The following AMER3 variants were observed in gnomAD, a reference collection of about 807,000 sequenced individuals.
AMER3 encodes APC membrane recruitment protein 3.
For missense variants in AMER3, 1,201 were observed against 1,139.4 expected, an observed-to-expected ratio of 1.05 and a Z score of -0.78; for synonymous variants, 541 against 485.5, an observed-to-expected ratio of 1.11 and a Z score of -1.50.
rs1365561486 is a variant in AMER3, at chr2:130,763,042, C to T, written c.970C>T (p.Leu324Phe). 2 of 1,613,384 alleles carry T rather than the reference C, an allele frequency of 1.2e-6. No homozygotes were observed. The highest frequency in any genetic ancestry group is 1.7e-5 in the Admixed American group (1 of 60,018). Residue 324 changes from leucine to phenylalanine, a missense_variant, in exon 2 of 2, where the codon CTC becomes TTC. Leu to Phe is a conservative substitution (Grantham distance 22). Transcript: ENST00000321420. ...CTCAGTGCGTCAGCAGCAGCGTGCCCTCCTAGGCCCGTGGCTTTCAGGCCC... is the reference window on the plus strand; with the variant it reads ...CTCAGTGCGTCAGCAGCAGCGTGCCTTCCTAGGCCCGTGGCTTTCAGGCCC... Reference protein sequence around the residue: ...NRSVRQQQRALLGPWLSGPQG... With the variant: ...NRSVRQQQRAFLGPWLSGPQG...
At position 130,763,050 on chromosome 2, in the gene AMER3, C is replaced by T; in HGVS notation, c.978C>T (p.Gly326=). The change falls in exon 2 of 2, where the codon GGC becomes GGT. Residue 326 remains glycine (G), a synonymous_variant. Coordinates refer to ENST00000321420, the MANE Select transcript of AMER3 (RefSeq NM_152698.3). ...SVRQQQRALL[G]PWLSGPQGTD... Reference sequence around the variant, plus strand: ...GTCAGCAGCAGCGTGCCCTCCTAGGCCCGTGGCTTTCAGGCCCCCAGGGGA... The same window carrying T: ...GTCAGCAGCAGCGTGCCCTCCTAGGTCCGTGGCTTTCAGGCCCCCAGGGGA... 6.2e-7 allele frequency: 1 copy of T among 1,613,126 alleles called. No homozygotes were observed. Among genetic ancestry groups the T allele is most frequent in the Non-Finnish European group, 8.5e-7 (1 of 1,179,904 alleles).
In AMER3 at chr2:130,763,734, A is replaced by T. The variant is rs750833774; in HGVS notation, c.1662A>T (p.Ala554=). The T allele has an allele frequency of 6.3e-7, 1 of 1,580,168 alleles. No individual in the cohort carries two copies. The highest frequency in any genetic ancestry group is 8.6e-7 in the Non-Finnish European group (1 of 1,164,954). Residue 554 remains alanine, a synonymous_variant, in exon 2 of 2, where the codon GCA becomes GCT. Transcript: ENST00000321420. The part of the protein sequence containing the change: ...LGGREGLASD[A]GGATVCSAPS... ...GCAGGGAGGGCCTGGCCTCAGATGCAGGGGGGGCGACAGTTTGCTCAGCAC... is the reference window on the plus strand; with the variant it reads ...GCAGGGAGGGCCTGGCCTCAGATGCTGGGGGGGCGACAGTTTGCTCAGCAC...
In AMER3 at chr2:130,764,491, G is replaced by T; in HGVS notation, c.2419G>T (p.Gly807Cys). 6.3e-7 allele frequency: 1 copy of T among 1,599,750 alleles called. No individual in the cohort carries two copies. The highest frequency in any genetic ancestry group is 8.5e-7 in the Non-Finnish European group (1 of 1,173,816). The change falls in exon 2 of 2, where the codon GGC (glycine) becomes TGC (cysteine). Residue 807 changes from glycine (G) to cysteine (C), a missense_variant. By Grantham distance (159) the Gly-to-Cys change is radical. Transcript: ENST00000321420. Reference sequence around the variant, plus strand: ...CCCTGCTGCCCGGTGGAGTTCCCAGGGCCACCATCCAGAAAGCCTGGGCCT... The same window carrying T: ...CCCTGCTGCCCGGTGGAGTTCCCAGTGCCACCATCCAGAAAGCCTGGGCCT... Reference protein sequence around the residue: ...SAPAARWSSQGHHPESLGLTL... With the variant: ...SAPAARWSSQCHHPESLGLTL...
rs779129704 is a variant in AMER3, at chr2:130,764,588, GTGAGGGCCTCCTC to G, written c.2519_2531del (p.Glu840ValfsTer39). 6.2e-7 allele frequency: 1 copy of G among 1,605,464 alleles called. No homozygotes were observed. Among genetic ancestry groups the G allele is most frequent in the East Asian group, 2.2e-5 (1 of 44,744 alleles). ...GAATGCCGCTGCAGCCTCCTGGCCCGTGAGGGCCTCCTCTGTGGCCAGCCAGAAGTGGGGGCCT... is the reference window on the plus strand; with the variant it reads ...GAATGCCGCTGCAGCCTCCTGGCCCGTGTGGCCAGCCAGAAGTGGGGGCCT... On this transcript the variant is annotated frameshift_variant, in exon 2 of 2. Coordinates refer to ENST00000321420, the MANE Select transcript of AMER3 (RefSeq NM_152698.3). LOFTEE classifies it low-confidence loss of function (END_TRUNC).
In AMER3 at chr2:130,762,771, C is replaced by T. The variant is rs1315135797; in HGVS notation, c.699C>T (p.Ala233=). The T allele has an allele frequency of 6.2e-7, 1 of 1,611,294 alleles. No homozygotes were observed. The highest frequency in any genetic ancestry group is 8.5e-7 in the Non-Finnish European group (1 of 1,178,422). The part of the protein sequence containing the change: ...LADASFGLCR[A]LCEDVASLQS... ...ATGCATCCTTTGGTCTCTGCAGGGC[C>T]CTGTGTGAGGACGTGGCCTCACTCC... Residue 233 remains alanine (A), a synonymous_variant, in exon 2 of 2, where the codon GCC becomes GCT. Coordinates refer to ENST00000321420, the MANE Select transcript of AMER3 (RefSeq NM_152698.3).
At position 130,764,148 on chromosome 2, in the gene AMER3, G is replaced by A. The variant is rs750538494; in HGVS notation, c.2076G>A (p.Pro692=). 10 of 1,610,046 alleles carry A rather than the reference G, an allele frequency of 6.2e-6. No homozygotes were observed. The African/African-American group carries it at 6.7e-5, about 11-fold the overall frequency. ...ALKISSNEQP[P]AAWPPRQDMG... is the part of the protein sequence containing the mutation. ...AGATCAGCTCAAACGAACAGCCCCC[G>A]GCCGCATGGCCTCCAAGGCAAGACA... The change falls in exon 2 of 2, where the codon CCG becomes CCA. Residue 692 remains proline (P), a synonymous_variant. Coordinates refer to ENST00000321420, the MANE Select transcript of AMER3 (RefSeq NM_152698.3).
intron 1 of AMER3, among the ~76,000 whole-genome samples, chr2:130,757,341 A>C (rs754681503): frequency 1.3e-5 from 2 of 152,176 alleles, no homozygotes; most frequent in African/African-American, 4.8e-5. Flanking sequence ...AGTCTCTGCC[A>C]CCACCTTCTC....
At position 130,763,730 on chromosome 2, in the gene AMER3, A is replaced by T; in HGVS notation, c.1658A>T (p.Asp553Val). 1 of 1,579,064 alleles carries T rather than the reference A, an allele frequency of 6.3e-7. No homozygotes were observed. The highest frequency in any genetic ancestry group is 8.6e-7 in the Non-Finnish European group (1 of 1,164,582). Reference protein sequence around the residue: ...KLGGREGLASDAGGATVCSAP... With the variant: ...KLGGREGLASVAGGATVCSAP... ...GGGGGCAGGGAGGGCCTGGCCTCAG[A>T]TGCAGGGGGGGCGACAGTTTGCTCA... The change falls in exon 2 of 2, where the codon GAT (aspartate) becomes GTT (valine). Residue 553 changes from aspartate to valine, a missense_variant. By Grantham distance (152) the Asp-to-Val change is radical. Transcript: ENST00000321420.
chr2:130,759,110 A>G (rs559767517), intron 1 of AMER3, among the ~76,000 whole-genome samples: 2 of 152,336 alleles, frequency 1.3e-5, no homozygotes, highest in South Asian at 2.1e-4. Context: ...AACACAGACT[A>G]GAGTTCATGG....
At chr2:130,757,446 G>T (rs1324215468) in intron 1 of AMER3, among the ~76,000 whole-genome samples, 2 of 152,108 alleles carry the variant, frequency 1.3e-5, no homozygotes, top group Non-Finnish European at 2.9e-5. Flanking sequence ...CCCGTCACTT[G>T]CCCTGGAAGG....
In AMER3 at chr2:130,763,706, G is replaced by A. The variant is rs754388093; in HGVS notation, c.1634G>A (p.Gly545Glu). ...GAPRAPTEKLGGREGLASDAG... is the reference protein window; with the variant it reads ...GAPRAPTEKLEGREGLASDAG... ...CCTAGGGCACCCACAGAGAAGCTGG[G>A]GGGCAGGGAGGGCCTGGCCTCAGAT... is the stretch of plus-strand genomic sequence containing the variant. Residue 545 changes from glycine (G) to glutamate (E), a missense_variant, in exon 2 of 2, where the codon GGG (glycine) becomes GAG (glutamate). By Grantham distance (98) the Gly-to-Glu change is moderately conservative. Coordinates refer to ENST00000321420, the MANE Select transcript of AMER3 (RefSeq NM_152698.3). 3.2e-6 allele frequency: 5 copies of A among 1,555,664 alleles called. No homozygotes were observed. In the African/African-American group the frequency reaches 4.1e-5, roughly 13 times the overall value.
At position 130,766,966 on chromosome 2, in the gene AMER3, T is replaced by A. The variant is rs995499808; in HGVS notation, c.*2308T>A. The A allele has an allele frequency of 6.0e-6, 1 of 167,092 alleles. No individual in the cohort carries two copies. Among genetic ancestry groups the A allele is most frequent in the Non-Finnish European group, 1.5e-5 (1 of 68,134 alleles). 10.4% of individuals were successfully genotyped at this position (167,092 alleles called of 1,614,324 possible). On this transcript the variant is annotated 3_prime_UTR_variant, in exon 2 of 2. Coordinates refer to ENST00000321420, the MANE Select transcript of AMER3 (RefSeq NM_152698.3). ...CAAATGCTTTTTGGGAAGAAGCCAA[T>A]GGATTCTCCTCGGCTCTGCCTGCAA...
At chr2:130,760,064 G>C (rs1678731651) in intron 1 of AMER3, among the ~76,000 whole-genome samples, 1 of 152,220 alleles carries the variant, frequency 6.6e-6, no homozygotes, top group South Asian at 2.1e-4. Flanking sequence ...GGGTGGGAAA[G>C]ACTTAGGCAT....
At position 130,764,747 on chromosome 2, in the gene AMER3, A is replaced by C; in HGVS notation, c.*89A>C. ...CTCAAATCTCTATCTTTTGTCCCTG[A>C]TGTGGGGACTGTGTTGGGGGTGGGG... On this transcript the variant is annotated 3_prime_UTR_variant, in exon 2 of 2. Transcript: ENST00000321420. 5.8e-6 allele frequency: 5 copies of C among 863,802 alleles called. No individual in the cohort carries two copies. The highest frequency in any genetic ancestry group is 3.3e-5 in the East Asian group (1 of 30,086). The allele number at this position is 863,802 out of a possible 1,614,324, so 53.5% of individuals were successfully genotyped here. A position where few individuals can be genotyped will look rare whatever the true frequency, so the allele number is the denominator to read the frequency against.
intron 1 of AMER3, chr2:130,756,518 C>G (rs1259008836): frequency 6.6e-6 from 1 of 152,482 alleles, no homozygotes; most frequent in Non-Finnish European, 1.5e-5. Context: ...GGGTCGACAC[C>G]CTCCACCCAG....
rs897945369 is a variant in AMER3 at position 130,765,510 on chromosome 2, C to T, written c.*852C>T. ...GAGCGGAGATGGCAAGAACTTTCATCTCTCACAATTGCAGATGTACAAAAA... is the reference window on the plus strand; with the variant it reads ...GAGCGGAGATGGCAAGAACTTTCATTTCTCACAATTGCAGATGTACAAAAA... On this transcript the variant is annotated 3_prime_UTR_variant, in exon 2 of 2. Transcript: ENST00000321420. 1.8e-5 allele frequency: 3 copies of T among 167,014 alleles called. No individual in the cohort carries two copies. Among genetic ancestry groups the T allele is most frequent in the African/African-American group, 7.2e-5 (3 of 41,464 alleles). 10.3% of individuals were successfully genotyped at this position (167,014 alleles called of 1,614,324 possible).
At chr2:130,760,403 T>C (rs1678742104) in intron 1 of AMER3, among the ~76,000 whole-genome samples, 1 of 152,212 alleles carries the variant, frequency 6.6e-6, no homozygotes, top group Non-Finnish European at 1.5e-5. Context: ...TGGGTCCTCA[T>C]GAAGAAGCAT....
intron 1 of AMER3, among the ~76,000 whole-genome samples, chr2:130,757,176 C>T (rs1678635545): frequency 6.6e-6 from 1 of 152,128 alleles, no homozygotes; most frequent in African/African-American, 2.4e-5. Flanking sequence ...CACGGAATTA[C>T]CTTCTCAAAG....
rs1308503281 is a variant in AMER3, at chr2:130,764,267, A to G, written c.2195A>G (p.His732Arg). The change falls in exon 2 of 2, where the codon CAT becomes CGT. Residue 732 changes from histidine to arginine, a missense_variant. His to Arg is a conservative substitution (Grantham distance 29). Coordinates refer to ENST00000321420, the MANE Select transcript of AMER3 (RefSeq NM_152698.3). The part of the protein sequence containing the change: ...SSSSPSMTTI[H>R]GLPYSASTQD... ...AGCTCCCCCAGCATGACCACCATCC[A>G]TGGCCTACCCTACTCAGCCAGCACA... 2.5e-6 allele frequency: 4 copies of G among 1,610,240 alleles called. No individual in the cohort carries two copies. The highest frequency in any genetic ancestry group is 1.7e-4 in the Middle Eastern group (1 of 6,046).
Sources: allele counts gnomAD v4.1 joint callset (sites outside exome capture counted in the v4.1 genomes callset), GRCh38; gene constraint gnomAD v4.1.1; transcripts MANE v1.5; gene names NCBI Gene and HGNC (gene_info 2026-07-23, HGNC 2026-07-21).